Variants in SUGP1 observed in about 807,000 individuals in gnomAD.
SUGP1 encodes the protein SURP and G-patch domain containing 1.
A neutral mutation model predicts 76.5 loss-of-function variants in SUGP1; 34 were observed. The observed-to-expected ratio is 0.44, with a 90% confidence interval of 0.34 to 0.59. The LOEUF is 0.59. Ranked by LOEUF, SUGP1 falls within the 20% of genes least tolerant of loss-of-function variation. The probability of loss-of-function intolerance (pLI) is 0.01; values close to 1 mark genes in which losing one functional copy is unlikely to be tolerated. For missense variants in SUGP1, 752 were observed against 851.7 expected, an observed-to-expected ratio of 0.88 and a Z score of 1.46; for synonymous variants, 326 against 326.2, an observed-to-expected ratio of 1.00 and a Z score of 0.01.
At chr19:19,304,850 C>A (rs2146618023) in intron 4 of SUGP1, among the ~76,000 whole-genome samples, 1 of 152,240 alleles carries the variant, frequency 6.6e-6, no homozygotes, top group East Asian at 1.9e-4. Context: ...CTGTGAGGTC[C>A]CGAGAGCATT....
intron 8 of SUGP1, among the ~76,000 whole-genome samples, chr19:19,296,158 CTTT>C (rs1405626467): frequency 6.6e-6 from 1 of 151,836 alleles, no homozygotes; most frequent in Non-Finnish European, 1.5e-5. Flanking sequence ...CTCCATAAAA[CTTT>C]TTTTATTTTA....
Position 19,280,221 on chromosome 19 carries a change from T to G in SUGP1, c.1314A>C (p.Ser438=), listed in dbSNP as rs145180505. The G allele has an allele frequency of 2.0e-5, 33 of 1,613,994 alleles. No individual in the cohort carries two copies. The highest frequency in any genetic ancestry group is 2.6e-5 in the Non-Finnish European group (31 of 1,179,962). The change falls in exon 9 of 14, where the codon TCA becomes TCC. Residue 438 remains serine, a synonymous_variant. Transcript: ENST00000247001. ...CCTTCAGCTGCTTCTTCTGGGCGTC[T>G]GAAAGCTCTGTGACGCCCACTAGAC... ...PVGLVGVTEL[S]DAQKKQLKEQ... is the part of the protein sequence containing the mutation.
intron 9 of SUGP1, 92 bp downstream of exon 9, chr19:19,280,093 C>T (rs1599844226): frequency 1.6e-6 from 2 of 1,263,620 alleles, no homozygotes; most frequent in East Asian, 2.3e-5. Context: ...TGGCGAAGCA[C>T]ATGAACCCCT....
In SUGP1 at chr19:19,296,970, G is replaced by T. The variant is rs757124605; in HGVS notation, c.1243+19C>A. On this transcript the variant is annotated intron_variant, in intron 8 of 13. Transcript: ENST00000247001. ...AGTCAGACCCTTCCAACACAGGGAG[G>T]GGGAGAGGGTCTGCCCACCTGACAG... is the stretch of plus-strand genomic sequence containing the variant. 2.1e-5 allele frequency: 32 copies of T among 1,544,886 alleles called. No homozygotes were observed. Among genetic ancestry groups the T allele is most frequent in the East Asian group, 1.8e-4 (8 of 43,916 alleles).
intron 1 of SUGP1, among the ~76,000 whole-genome samples, chr19:19,319,507 T>C (rs1292501281): frequency 2.6e-5 from 4 of 151,294 alleles, no homozygotes; most frequent in Non-Finnish European, 5.9e-5. Flanking sequence ...GAGGCTGAGA[T>C]GGGAGGATCG....
intron 1 of SUGP1, among the ~76,000 whole-genome samples, chr19:19,320,164 A>C (rs1295514060): frequency 1.3e-5 from 2 of 152,214 alleles, no homozygotes; most frequent in African/African-American, 4.8e-5. Context: ...TTGTCGCCGT[A>C]TTGGGGAACG....
At chr19:19,287,288 A>G (rs1297938633) in intron 8 of SUGP1, among the ~76,000 whole-genome samples, 1 of 151,790 alleles carries the variant, frequency 6.6e-6, no homozygotes, top group East Asian at 1.9e-4. Flanking sequence ...AGGTGAGGCG[A>G]GGTGGCTCAC....
chr19:19,313,726 G>A (rs112435444), intron 2 of SUGP1, among the ~76,000 whole-genome samples: 59 of 151,972 alleles, frequency 3.9e-4, no homozygotes, highest in Non-Finnish European at 7.2e-4. Flanking sequence ...AAACAGGCCC[G>A]GCACGGTGGC....
At chr19:19,281,267 C>T (rs1205617163) in intron 8 of SUGP1, 1 of 152,254 alleles carries the variant, frequency 6.6e-6, no homozygotes, top group Non-Finnish European at 1.5e-5. Context: ...GGGCCTCAGA[C>T]TTTGGAGCCT....
At chr19:19,309,668 T>C (rs992859547) in intron 3 of SUGP1, among the ~76,000 whole-genome samples, 2 of 152,006 alleles carry the variant, frequency 1.3e-5, no homozygotes, top group East Asian at 3.9e-4. Context: ...CCCAGCACTT[T>C]GGGAGGCTGA....
At position 19,305,911 on chromosome 19, in the gene SUGP1, C is replaced by T. The variant is rs779990752; in HGVS notation, c.476G>A (p.Ser159Asn). 2 of 1,613,582 alleles carry T rather than the reference C, an allele frequency of 1.2e-6. No individual in the cohort carries two copies. The highest frequency in any genetic ancestry group is 4.5e-5 in the East Asian group (2 of 44,864). Residue 159 changes from serine (S) to asparagine (N), a missense_variant, in exon 4 of 14, where the codon AGT becomes AAT. Physicochemically the swap from Ser to Asn is conservative, Grantham distance 46. Around this residue, in one of 2 missense-constraint regions of SUGP1, gnomAD observed 620 missense variants for 617.3 expected, o/e 1.00. Transcript: ENST00000247001. Reference protein sequence around the residue: ...AKQLPVAHRPSVFQSPDEDEE... With the variant: ...AKQLPVAHRPNVFQSPDEDEE... ...GTCCTCGTCAGGGGACTGGAAGACA[C>T]TCGGGCGGTGCGCCACGGGCAGCTG...
At position 19,294,547 on chromosome 19, in the gene SUGP1, C is replaced by T. The variant is rs4477835; in HGVS notation, c.1243+2442G>A. On this transcript the variant is annotated intron_variant, in intron 8 of 13. Coordinates refer to ENST00000247001, the MANE Select transcript of SUGP1 (RefSeq NM_172231.4). ...AAAAAACCCAAAATAGGCTAAAGACCTAAATTTAAGAACTAAAGGTACAAA... is the reference window on the plus strand; with the variant it reads ...AAAAAACCCAAAATAGGCTAAAGACTTAAATTTAAGAACTAAAGGTACAAA... Among the ~76,000 whole-genome samples, 25 of 149,088 alleles carry T rather than the reference C, an allele frequency of 1.7e-4. No homozygotes were observed. The East Asian group carries it at 2.7e-3, about 16-fold the overall frequency.
chr19:19,287,868 A>C (rs1368504468), intron 8 of SUGP1, among the ~76,000 whole-genome samples: 2 of 152,212 alleles, frequency 1.3e-5, no homozygotes, highest in African/African-American at 4.8e-5. Context: ...AAAAGAAGTC[A>C]GGCAGAAATT....
In SUGP1 at chr19:19,316,147, T is replaced by G. The variant is rs558191912; in HGVS notation, c.206+275A>C. 1.3e-5 allele frequency: 5 copies of G among 374,898 alleles called. 1 individual carries two copies. Among genetic ancestry groups the G allele is most frequent in the Admixed American group, 8.8e-5 (2 of 22,674 alleles). 23.2% of individuals were successfully genotyped at this position (374,898 alleles called of 1,614,324 possible). On this transcript the variant is annotated intron_variant, in intron 2 of 13. Transcript: ENST00000247001. ...CACACCTGAACTCAAGGCAGAGATT[T>G]TTACTCTGTTATACCCCTTCCCTCT...
In SUGP1 at chr19:19,276,316, G is replaced by T; in HGVS notation, c.*332C>A. Reference sequence around the variant, plus strand: ...TCCGCCCGCCTTGGCCTCTCAAAGTGCTGGGATGACAGGGGTGAGACACTG... The same window carrying T: ...TCCGCCCGCCTTGGCCTCTCAAAGTTCTGGGATGACAGGGGTGAGACACTG... On this transcript the variant is annotated 3_prime_UTR_variant, in exon 14 of 14. Coordinates refer to ENST00000247001, the MANE Select transcript of SUGP1 (RefSeq NM_172231.4). 1 of 279,666 alleles carries T rather than the reference G, an allele frequency of 3.6e-6. No homozygotes were observed. The highest frequency in any genetic ancestry group is 6.9e-6 in the Non-Finnish European group (1 of 144,370). The allele number at this position is 279,666 out of a possible 1,614,324, so 17.3% of individuals were successfully genotyped here.
Position 19,277,742 on chromosome 19 carries a change from T to G in SUGP1, c.1773A>C (p.Pro591=). ...LGSEGQGIKN[P]VNKGTTTVDG... ...CACAAGGCCACACTCACTTGTTCAC[T>G]GGGTTCTTGATGCCCTGGCCCTCTG... is the stretch of plus-strand genomic sequence containing the variant. Residue 591 remains proline, a synonymous_variant, in exon 12 of 14, where the codon CCA becomes CCC. Coordinates refer to ENST00000247001, the MANE Select transcript of SUGP1 (RefSeq NM_172231.4). 2 of 1,613,962 alleles carry G rather than the reference T, an allele frequency of 1.2e-6. No homozygotes were observed. Among genetic ancestry groups the G allele is most frequent in the Non-Finnish European group, 1.7e-6 (2 of 1,179,950 alleles).
intron 1 of SUGP1, among the ~76,000 whole-genome samples, chr19:19,320,179 T>G (rs1413387870): frequency 6.6e-6 from 1 of 151,832 alleles, no homozygotes; most frequent in African/African-American, 2.4e-5. Context: ...GGAACGGAGG[T>G]TGGAGCAGCC....
intron 7 of SUGP1, among the ~76,000 whole-genome samples, chr19:19,300,417 C>T (rs759443380): frequency 2.1e-4 from 32 of 152,350 alleles, no homozygotes; most frequent in Non-Finnish European, 4.3e-4. Flanking sequence ...CAAATTGTTT[C>T]CCAAAGTGGC....
intron 3 of SUGP1, among the ~76,000 whole-genome samples, chr19:19,307,266 G>A (rs2061324194): frequency 6.6e-6 from 1 of 151,830 alleles, no homozygotes; most frequent in African/African-American, 2.4e-5. Context: ...GGCTGTCCAG[G>A]CTGGTCTCAC....
Sources: allele counts gnomAD v4.1 joint callset (sites outside exome capture counted in the v4.1 genomes callset), GRCh38; gene constraint gnomAD v4.1.1; regional missense constraint gnomAD v4.1.1; transcripts MANE v1.5; gene names NCBI Gene and HGNC (gene_info 2026-07-23, HGNC 2026-07-21).